Variants in GPR158 observed in about 807,000 individuals in gnomAD.
GPR158 encodes metabotropic glycine receptor.
In GPR158, 30 loss-of-function variants were observed where a neutral mutation model predicts 78.2. The observed-to-expected ratio is 0.38, with a 90% CI of 0.29 to 0.52. The LOEUF is 0.52. Among genes scored for constraint, GPR158 ranks in the 20% least tolerant of loss-of-function variants. The probability of loss-of-function intolerance (pLI) is 0.83; values close to 1 mark genes in which losing one functional copy is unlikely to be tolerated. For missense variants in GPR158, 1,463 were observed against 1,523.5 expected, an observed-to-expected ratio of 0.96 and a Z score of 0.66; for synonymous variants, 581 against 591.1, an observed-to-expected ratio of 0.98 and a Z score of 0.25.
chr10:25,283,567 G>C (rs780051501), intron 2 of GPR158, among the ~76,000 whole-genome samples: 1 of 151,770 alleles, frequency 6.6e-6, no homozygotes, highest in South Asian at 2.1e-4. Context: ...AAAATAACTC[G>C]CTTTTGGTTT....
At chr10:25,428,552 G>A (rs186745240) in intron 4 of GPR158, among the ~76,000 whole-genome samples, 9 of 152,062 alleles carry the variant, frequency 5.9e-5, no homozygotes, top group South Asian at 2.1e-4. Context: ...GATTAATGTC[G>A]TAAGCAGTTC....
chr10:25,314,342 G>T (rs891461484), intron 2 of GPR158, among the ~76,000 whole-genome samples: 1 of 151,968 alleles, frequency 6.6e-6, no homozygotes, highest in Non-Finnish European at 1.5e-5. Context: ...CTCATGATCT[G>T]CCCACCTCGG....
At chr10:25,433,969 C>T (rs1381576224) in intron 4 of GPR158, among the ~76,000 whole-genome samples, 1 of 151,884 alleles carries the variant, frequency 6.6e-6, no homozygotes, top group Non-Finnish European at 1.5e-5. Flanking sequence ...ACCGTCCTGG[C>T]TAACATGGTG....
intron 5 of GPR158, among the ~76,000 whole-genome samples, chr10:25,487,632 A>C (rs1431603842): frequency 6.6e-6 from 1 of 152,128 alleles, no homozygotes; most frequent in African/African-American, 2.4e-5. Context: ...CCACTTCCTT[A>C]TCTGTAAGTT....
chr10:25,328,927 CAAA>C (rs3054026), intron 2 of GPR158, among the ~76,000 whole-genome samples: 1 of 89,112 alleles, frequency 1.1e-5, no homozygotes, highest in Non-Finnish European at 2.0e-5. Flanking sequence ...AACTTCATCA[CAAA>C]AAAAAAAAAA....
intron 2 of GPR158, among the ~76,000 whole-genome samples, chr10:25,363,228 C>T (rs1249702069): frequency 6.6e-6 from 1 of 151,760 alleles, no homozygotes; most frequent in East Asian, 1.9e-4. Flanking sequence ...TCACAGCATC[C>T]CATATTTTTA....
rs142664980 is a variant in GPR158 at position 25,364,027 on chromosome 10, A to G, written c.1009-31884A>G. On this transcript the variant is annotated intron_variant, in intron 2 of 10. Coordinates refer to ENST00000376351, the MANE Select transcript of GPR158 (RefSeq NM_020752.3). ...GAATTAATATTTGTAAAGTGCTTAA[A>G]ATAATGCCTAGCGTATAATAAGCAC... Among the ~76,000 whole-genome samples the G allele has an allele frequency of 3.4e-3, 512 of 152,100 alleles. 1 individual carries two copies. Among genetic ancestry groups the G allele is most frequent in the Non-Finnish European group, 5.3e-3 (362 of 67,938 alleles).
At chr10:25,413,540 A>G (rs750503491) in intron 4 of GPR158, among the ~76,000 whole-genome samples, 1 of 152,142 alleles carries the variant, frequency 6.6e-6, no homozygotes, top group Admixed American at 6.5e-5. Context: ...CAAAACCTAA[A>G]GTTTCCAACC....
intron 5 of GPR158, among the ~76,000 whole-genome samples, chr10:25,472,987 C>G (rs1171863892): frequency 1.3e-5 from 2 of 152,118 alleles, no homozygotes; most frequent in East Asian, 1.9e-4. Context: ...ACTTCCAACA[C>G]TATGTTGAAT....
Position 25,404,229 on chromosome 10 carries a change from T to C in GPR158, c.1112-8021T>C, listed in dbSNP as rs576263938. On this transcript the variant is annotated intron_variant, in intron 3 of 10. Coordinates refer to ENST00000376351, the MANE Select transcript of GPR158 (RefSeq NM_020752.3). ...TTTGAGCTTTAGAAATCAGGTCTCT[T>C]GACTTTTGGTTTTGCTTTCTCTCTC... Among the ~76,000 whole-genome samples the C allele has an allele frequency of 5.3e-5, 8 of 152,222 alleles. No individual in the cohort carries two copies. The East Asian group carries it at 1.4e-3, about 26-fold the overall frequency.
At chr10:25,295,584 T>G (rs2130769108) in intron 2 of GPR158, among the ~76,000 whole-genome samples, 1 of 152,174 alleles carries the variant, frequency 6.6e-6, no homozygotes, top group East Asian at 1.9e-4. Flanking sequence ...CGGCTAATTT[T>G]TTGTATTTTT....
chr10:25,289,373 G>GT, intron 2 of GPR158, among the ~76,000 whole-genome samples: 2 of 152,304 alleles, frequency 1.3e-5, no homozygotes, highest in African/African-American at 4.8e-5. Flanking sequence ...GTGTTTAAAA[G>GT]TAAGAGTTCA....
intron 5 of GPR158, among the ~76,000 whole-genome samples, chr10:25,511,529 G>A (rs1465602744): frequency 6.6e-6 from 1 of 152,156 alleles, no homozygotes; most frequent in Non-Finnish European, 1.5e-5. Context: ...TTGCTATGCA[G>A]AAGCACTTTA....
chr10:25,503,330 TC>T (rs1254449249), intron 5 of GPR158, among the ~76,000 whole-genome samples: 1 of 152,028 alleles, frequency 6.6e-6, no homozygotes, highest in Non-Finnish European at 1.5e-5. Flanking sequence ...TGAGCTATGA[TC>T]ATGCCACTGC....
intron 4 of GPR158, among the ~76,000 whole-genome samples, chr10:25,422,168 T>G (rs1476639007): frequency 2.0e-5 from 3 of 152,190 alleles, no homozygotes; most frequent in Non-Finnish European, 4.4e-5. Context: ...GGTTACTGTC[T>G]TTTTGTCCAA....
intron 2 of GPR158, among the ~76,000 whole-genome samples, chr10:25,369,644 C>G (rs1469655193): frequency 1.3e-5 from 2 of 151,790 alleles, no homozygotes; most frequent in Admixed American, 6.6e-5. Context: ...TTGGTTGTGT[C>G]TCTGCCCAGC....
intron 5 of GPR158, among the ~76,000 whole-genome samples, chr10:25,479,361 G>T (rs1038307456): frequency 3.3e-5 from 5 of 151,990 alleles, no homozygotes; most frequent in African/African-American, 1.2e-4. Flanking sequence ...TGTATCTAGT[G>T]GCTGAATATT....
chr10:25,546,982 T>C (rs373798980), intron 5 of GPR158, among the ~76,000 whole-genome samples: 1 of 152,274 alleles, frequency 6.6e-6, no homozygotes, highest in East Asian at 1.9e-4. Flanking sequence ...AGACTCTTGC[T>C]AACCATCTTA....
intron 4 of GPR158, among the ~76,000 whole-genome samples, chr10:25,423,607 T>C (rs1055526144): frequency 1.4e-4 from 22 of 152,150 alleles, no homozygotes; most frequent in African/African-American, 5.3e-4. Context: ...CATTGTTCAA[T>C]TCCCACCTAT....
Sources: gnomAD v4.1 joint callset for allele counts (sites outside exome capture counted in the v4.1 genomes callset) on GRCh38, gnomAD v4.1.1 for gene constraint, MANE v1.5 for transcripts, NCBI Gene and HGNC (gene_info 2026-07-23, HGNC 2026-07-21) for gene names.